The following TMC5 variants were observed in gnomAD, a reference collection of about 807,000 sequenced individuals.
TMC5 encodes transmembrane channel like 5.
Under a neutral mutation model 110.5 loss-of-function variants are expected in TMC5, and 86 were observed. The ratio of observed to expected loss-of-function variants is 0.78; its 90% confidence interval spans 0.65 to 0.93. TMC5 has a LOEUF of 0.93. Ranked by LOEUF, TMC5 falls within the 40% of genes least tolerant of loss-of-function variation. The probability of loss-of-function intolerance (pLI) is 0.00; values close to 1 mark genes in which losing one functional copy is unlikely to be tolerated. For synonymous variants in TMC5, 455 were observed against 439.5 expected, an observed-to-expected ratio of 1.04 and a Z score of -0.44; for missense variants, 1,144 against 1,222.8, an observed-to-expected ratio of 0.94 and a Z score of 0.96.
intron 14 of TMC5, among the ~76,000 whole-genome samples, chr16:19,480,804 C>CAAAA (rs34237812): frequency 1.3e-5 from 1 of 75,230 alleles, no homozygotes; most frequent in South Asian, 4.5e-4. Context: ...GACTCCATCT[C>CAAAA]AAAAAAAAAA....
chr16:19,468,683 C>G (rs1968248901), intron 9 of TMC5, among the ~76,000 whole-genome samples: 1 of 152,060 alleles, frequency 6.6e-6, no homozygotes, highest in Admixed American at 6.5e-5. Context: ...AAGATGCTAC[C>G]CTGCTGGCTT....
At chr16:19,434,082 T>A (rs1217843629) in intron 2 of TMC5, among the ~76,000 whole-genome samples, 11 of 3,884 alleles carry the variant, frequency 2.8e-3, no homozygotes, top group African/African-American at 0.019. Context: ...TTATATATAA[T>A]ATATATATAT....
intron 15 of TMC5, among the ~76,000 whole-genome samples, chr16:19,482,194 A>T (rs951044495): frequency 6.6e-6 from 1 of 152,118 alleles, no homozygotes; most frequent in Non-Finnish European, 1.5e-5. Flanking sequence ...AGTAGCTGGG[A>T]CTATAGGCAT....
Position 19,439,942 on chromosome 16 carries a change from TTTC to T in TMC5, c.-79-12_-79-10del, listed in dbSNP as rs1347219787. 9 of 1,098,722 alleles carry T rather than the reference TTTC, an allele frequency of 8.2e-6. No homozygotes were observed. The highest frequency in any genetic ancestry group is 7.9e-6 in the Non-Finnish European group (6 of 758,614). 68.1% of individuals were successfully genotyped at this position (1,098,722 alleles called of 1,614,324 possible). On this transcript the variant is annotated splice_polypyrimidine_tract_variant and intron_variant, in intron 2 of 21. Transcript: ENST00000542583. ...AAGGGAAAAAAATCTGACTTTTTCT[TTTC>T]TTCTTGTTTTTCAGGTGAAAAAAAA...
In TMC5 at chr16:19,456,668, C is replaced by T. The variant is rs74680875; in HGVS notation, c.1049-3567C>T. 1,244 of 1,577,494 alleles carry T rather than the reference C, an allele frequency of 7.9e-4. 14 individuals carry two copies. The East Asian group carries it at 0.022, about 27-fold the overall frequency. ...GACTGCTGTATGAAGTCTCAGGAAG[C>T]CCACCCCAGTGGAGAAGAAGGCTTG... On this transcript the variant is annotated intron_variant, in intron 5 of 21. Transcript: ENST00000542583.
chr16:19,447,140 C>G (rs62026170), intron 4 of TMC5, among the ~76,000 whole-genome samples: 3 of 152,126 alleles, frequency 2.0e-5, no homozygotes, highest in African/African-American at 7.2e-5. Flanking sequence ...TTTCTTCTTA[C>G]GGGTCTGCAA....
chr16:19,449,443 G>T (rs56293144), intron 4 of TMC5, 99 bp from the exon 5 acceptor site: 24,034 of 977,920 alleles, frequency 0.025, 600 homozygotes, highest in African/African-American at 0.11. Context: ...AGTCTTATTA[G>T]CCGTTACGAA....
At chr16:19,456,687 A>C (rs1392652324) in intron 5 of TMC5, 2 of 1,593,038 alleles carry the variant, frequency 1.3e-6, no homozygotes, top group African/African-American at 2.7e-5. Context: ...GTGGAGAAGA[A>C]GGCTTGCAGG....
In TMC5 at chr16:19,439,996, G is replaced by A. The variant is rs113281947; in HGVS notation, c.-43G>A. 119 of 1,487,252 alleles carry A rather than the reference G, an allele frequency of 8.0e-5. No homozygotes were observed. The African/African-American group carries it at 1.5e-3, about 19-fold the overall frequency. The allele number at this position is 1,487,252 out of a possible 1,614,324, so 92.1% of individuals were successfully genotyped here. ...AAAAGATCCCTGAGTAATTGCAAATGCTGGGACAGTTTACCACTCCAGGGT... is the reference window on the plus strand; with the variant it reads ...AAAAGATCCCTGAGTAATTGCAAATACTGGGACAGTTTACCACTCCAGGGT... On this transcript the variant is annotated 5_prime_UTR_variant, in exon 3 of 22. The change abolishes an upstream ATG in the 5' untranslated region. Coordinates refer to ENST00000542583, the MANE Select transcript of TMC5 (RefSeq NM_001261841.2).
chr16:19,495,010 TC>T (rs1220207141), intron 20 of TMC5, among the ~76,000 whole-genome samples: 1,723 of 43,080 alleles, frequency 0.04, 356 homozygotes, highest in African/African-American at 0.14. Flanking sequence ...CAGTGTCTAT[TC>T]TTTTTTTTTT....
rs749026172 is a variant in TMC5, at chr16:19,497,998, T to C, written c.*32T>C. 9 of 1,603,652 alleles carry C rather than the reference T, an allele frequency of 5.6e-6. No individual in the cohort carries two copies. In the South Asian group the frequency reaches 9.9e-5, roughly 18 times the overall value. Reference sequence around the variant, plus strand: ...TTTTGGTAACCAGACACCAATCAAATAAGGGGAGGAGACGAAAATGGAATG... The same window carrying C: ...TTTTGGTAACCAGACACCAATCAAACAAGGGGAGGAGACGAAAATGGAATG... On this transcript the variant is annotated 3_prime_UTR_variant, in exon 22 of 22. Transcript: ENST00000542583.
chr16:19,484,738 C>G (rs1009746766), intron 15 of TMC5, among the ~76,000 whole-genome samples: 1 of 149,088 alleles, frequency 6.7e-6, no homozygotes, highest in Non-Finnish European at 1.5e-5. Flanking sequence ...GCACTCCAGC[C>G]TGGAGATAGA....
At chr16:19,474,398 T>C in intron 12 of TMC5, 122 bp downstream of exon 12, 4 of 1,201,086 alleles carry the variant, frequency 3.3e-6, no homozygotes, top group Non-Finnish European at 4.7e-6. Context: ...ATTTCAAAAG[T>C]AAGGTGTGGC....
intron 5 of TMC5, among the ~76,000 whole-genome samples, chr16:19,453,339 A>C (rs1967792412): frequency 6.6e-6 from 1 of 152,064 alleles, no homozygotes. Flanking sequence ...TTGTAATCCC[A>C]GCACTTTGGG....
At chr16:19,443,180 A>G (rs974392602) in intron 3 of TMC5, among the ~76,000 whole-genome samples, 4 of 152,226 alleles carry the variant, frequency 2.6e-5, no homozygotes, top group African/African-American at 9.6e-5. Flanking sequence ...CTTTAAAAAT[A>G]ATACAGATGC....
At chr16:19,434,013 A>AAT (rs1259239087) in intron 2 of TMC5, among the ~76,000 whole-genome samples, 4 of 103,592 alleles carry the variant, frequency 3.9e-5, no homozygotes, top group Non-Finnish European at 7.1e-5. Context: ...TTATATATAT[A>AAT]ATATATATAT....
chr16:19,497,798 T>C (rs1288055664), intron 21 of TMC5, 122 bp from the exon 22 acceptor site: 3 of 815,864 alleles, frequency 3.7e-6, no homozygotes, highest in Non-Finnish European at 5.9e-6. Flanking sequence ...TTATAGAAAC[T>C]AAAAGGAAGA....
intron 19 of TMC5, among the ~76,000 whole-genome samples, chr16:19,493,323 TTTA>T (rs956561222): frequency 3.3e-5 from 5 of 152,130 alleles, no homozygotes; most frequent in East Asian, 1.9e-4. Flanking sequence ...TTAACAATAA[TTTA>T]TTATTATCAT....
chr16:19,444,005 ATGGATG>A, intron 3 of TMC5, 70 bp from the exon 4 acceptor site: 2 of 1,109,960 alleles, frequency 1.8e-6, no homozygotes, highest in South Asian at 1.6e-5. Context: ...GAATGGATGG[ATGGATG>A]GATGGATGGA....
Sources: allele counts gnomAD v4.1 joint callset (sites outside exome capture counted in the v4.1 genomes callset), GRCh38; gene constraint gnomAD v4.1.1; transcripts MANE v1.5; gene names NCBI Gene and HGNC (gene_info 2026-07-23, HGNC 2026-07-21).